Variants in TP53BP1 observed in about 807,000 individuals in gnomAD.
TP53BP1 encodes the protein tumor protein p53 binding protein 1.
In TP53BP1, 61 loss-of-function variants were observed where a neutral mutation model predicts 200.8. That is an observed-to-expected ratio of 0.30 (90% CI 0.25 to 0.38). The LOEUF is 0.38. TP53BP1 is among the 10% of genes least tolerant of loss of function. TP53BP1 has a pLI of 1.00. For missense variants in TP53BP1, 2,144 were observed against 2,371.9 expected (o/e 0.90, Z 2.00); for synonymous variants, 822 against 844.3 (o/e 0.97, Z 0.46).
intron 15 of TP53BP1, among the ~76,000 whole-genome samples, chr15:43,438,728 CAAAAAAAAAA>C (rs397699362): frequency 5.1e-4 from 11 of 21,654 alleles, no homozygotes; most frequent in East Asian, 1.6e-3. Flanking sequence ...AAGCAAGAGG[CAAAAAAAAAA>C]AAAAAAAAAA....
intron 6 of TP53BP1, 126 bp from the exon 7 acceptor site, chr15:43,479,652 A>G: frequency 8.4e-7 from 1 of 1,187,280 alleles, no homozygotes; most frequent in Non-Finnish European, 1.2e-6. Context: ...TACAGGCATC[A>G]GTCTATAAAG....
Position 43,405,072 on chromosome 15 carries a change from G to A in TP53BP1, c.*2311C>T. On this transcript the variant is annotated 3_prime_UTR_variant, in exon 28 of 28. Transcript: ENST00000382044. ...GATTTTTTTCTAAGCTATTGTAGCAGAAGAGTCAAAAGAAACTCTTCAGTT... is the reference window on the plus strand; with the variant it reads ...GATTTTTTTCTAAGCTATTGTAGCAAAAGAGTCAAAAGAAACTCTTCAGTT... 9.7e-7 allele frequency: 1 copy of A among 1,029,352 alleles called. No individual in the cohort carries two copies. Among genetic ancestry groups the A allele is most frequent in the Admixed American group, 2.3e-5 (1 of 43,692 alleles). 63.8% of individuals were successfully genotyped at this position (1,029,352 alleles called of 1,614,324 possible).
intron 12 of TP53BP1, among the ~76,000 whole-genome samples, chr15:43,451,491 A>G (rs1280362732): frequency 6.6e-6 from 1 of 152,184 alleles, no homozygotes; most frequent in Non-Finnish European, 1.5e-5. Context: ...AATTTCATCC[A>G]TGTCCCTACA....
intron 11 of TP53BP1, among the ~76,000 whole-genome samples, chr15:43,464,600 T>C (rs2046522000): frequency 6.6e-6 from 1 of 152,130 alleles, no homozygotes; most frequent in South Asian, 2.1e-4. Context: ...AATTGTATTA[T>C]TCAGCAATAA....
intron 11 of TP53BP1, among the ~76,000 whole-genome samples, chr15:43,463,296 A>G (rs1021993726): frequency 1.3e-5 from 2 of 152,198 alleles, no homozygotes; most frequent in African/African-American, 4.8e-5. Context: ...TGACAAGTTT[A>G]TTAGGAAAGA....
At chr15:43,412,763 G>A (rs2045154613) in intron 24 of TP53BP1, 2 of 473,762 alleles carry the variant, frequency 4.2e-6, no homozygotes, top group East Asian at 1.4e-4. Context: ...GATGGTTGCA[G>A]TAGGCTAAAA....
At chr15:43,466,348 G>A (rs2046580715) in intron 11 of TP53BP1, among the ~76,000 whole-genome samples, 1 of 152,114 alleles carries the variant, frequency 6.6e-6, no homozygotes, top group African/African-American at 2.4e-5. Flanking sequence ...TCTGACAATT[G>A]GTGGAGAATC....
intron 4 of TP53BP1, among the ~76,000 whole-genome samples, chr15:43,484,426 T>C (rs1048424296): frequency 6.6e-6 from 1 of 152,172 alleles, no homozygotes; most frequent in African/African-American, 2.4e-5. Context: ...CTGCTTTCAG[T>C]CTATTCTTAA....
intron 1 of TP53BP1, among the ~76,000 whole-genome samples, chr15:43,501,745 G>C (rs1160132918): frequency 6.6e-6 from 1 of 152,070 alleles, no homozygotes; most frequent in Non-Finnish European, 1.5e-5. Context: ...AGCTTCTTTT[G>C]CTCAACATTT....
chr15:43,508,341 G>C (rs1197302612), intron 1 of TP53BP1, among the ~76,000 whole-genome samples: 2 of 152,138 alleles, frequency 1.3e-5, no homozygotes, highest in Non-Finnish European at 2.9e-5. Flanking sequence ...ACCTGGGCAA[G>C]AGAGCAAGAC....
At chr15:43,451,281 C>G (rs1318740900) in intron 12 of TP53BP1, among the ~76,000 whole-genome samples, 1 of 151,760 alleles carries the variant, frequency 6.6e-6, no homozygotes, top group East Asian at 1.9e-4. Context: ...TGTGCTGCAC[C>G]CATCAACTCG....
At chr15:43,437,322 A>G (rs1184442915) in intron 16 of TP53BP1, among the ~76,000 whole-genome samples, 1 of 152,168 alleles carries the variant, frequency 6.6e-6, no homozygotes, top group African/African-American at 2.4e-5. Flanking sequence ...CTAATCTAAG[A>G]AATGAGGAAT....
intron 11 of TP53BP1, among the ~76,000 whole-genome samples, chr15:43,467,612 T>G (rs1057068104): frequency 6.6e-6 from 1 of 152,082 alleles, no homozygotes; most frequent in African/African-American, 2.4e-5. Flanking sequence ...AAAACGTCCA[T>G]TCTCCCTTTG....
In TP53BP1 at chr15:43,432,206, C is replaced by T. The variant is rs780445444; in HGVS notation, c.3663G>A (p.Ser1221=). The T allele has an allele frequency of 2.2e-5, 36 of 1,613,618 alleles. No homozygotes were observed. Among genetic ancestry groups the T allele is most frequent in the Middle Eastern group, 1.6e-4 (1 of 6,074 alleles). The stretch of plus-strand genomic sequence containing the variant: ...TATGTTCTCTCACCTGGCTATGGAG[C>T]GACTCTGTATCATCCCCAGGAGCAC... ...PVSAPGDDTE[S]LHSQGEEEFD... is the part of the protein sequence containing the mutation. Residue 1221 remains serine (S), a synonymous_variant, in exon 17 of 28, where the codon TCG becomes TCA. Coordinates refer to ENST00000382044, the MANE Select transcript of TP53BP1 (RefSeq NM_001141980.3).
chr15:43,415,298 T>A (rs1372727320), intron 23 of TP53BP1: 1 of 423,032 alleles, frequency 2.4e-6, no homozygotes, highest in Non-Finnish European at 4.4e-6. Context: ...ACCTCCGCCT[T>A]CCTGGGTTCA....
Position 43,420,633 on chromosome 15 carries a change from G to A in TP53BP1, c.4353C>T (p.Ser1451=), listed in dbSNP as rs760968606. 6.2e-7 allele frequency: 1 copy of A among 1,614,182 alleles called. No individual in the cohort carries two copies. Among genetic ancestry groups the A allele is most frequent in the Non-Finnish European group, 8.5e-7 (1 of 1,180,042 alleles). ...CAGCACCCACATCTGTTCGTCTGGT[G>A]GAGTCTGGCACTCGGGGCACGACAC... ...FSRVVPRVPD[S]TRRTDVGAGA... The change falls in exon 21 of 28, where the codon TCC becomes TCT. Residue 1451 remains serine, a synonymous_variant. Coordinates refer to ENST00000382044, the MANE Select transcript of TP53BP1 (RefSeq NM_001141980.3).
rs2142918844 is a variant in TP53BP1 at position 43,406,721 on chromosome 15, G to A, written c.*662C>T. 4.8e-6 allele frequency: 2 copies of A among 419,046 alleles called. No individual in the cohort carries two copies. The highest frequency in any genetic ancestry group is 1.7e-5 in the South Asian group (1 of 57,218). The allele number at this position is 419,046 out of a possible 1,614,324, so 26.0% of individuals were successfully genotyped here. A position where few individuals can be genotyped will look rare whatever the true frequency, so the allele number is the denominator to read the frequency against. ...ACAATAATAATAATAATAATATTGGGTCTTTGACTAGAACGTGTAACATTT... is the reference window on the plus strand; with the variant it reads ...ACAATAATAATAATAATAATATTGGATCTTTGACTAGAACGTGTAACATTT... On this transcript the variant is annotated 3_prime_UTR_variant, in exon 28 of 28. Transcript: ENST00000382044.
At chr15:43,442,807 G>C (rs955597484) in intron 14 of TP53BP1, among the ~76,000 whole-genome samples, 12 of 133,116 alleles carry the variant, frequency 9.0e-5, no homozygotes, top group Non-Finnish European at 1.9e-4. Context: ...GCCCTTAGCA[G>C]TAATATTCTT....
chr15:43,498,819 ATG>A (rs2079194302), intron 1 of TP53BP1, among the ~76,000 whole-genome samples: 1 of 152,192 alleles, frequency 6.6e-6, no homozygotes, highest in African/African-American at 2.4e-5. Flanking sequence ...AAGAAAGAGA[ATG>A]GTACCAAATT....
Sources: gnomAD v4.1 joint callset for allele counts (sites outside exome capture counted in the v4.1 genomes callset) on GRCh38, gnomAD v4.1.1 for gene constraint, MANE v1.5 for transcripts, NCBI Gene and HGNC (gene_info 2026-07-23, HGNC 2026-07-21) for gene names.